FARP1: variants seen among roughly 807,000 people sequenced by gnomAD.
FARP1 encodes the protein FERM, ARH/RhoGEF and pleckstrin domain protein 1.
In FARP1, 52 loss-of-function variants were observed where a neutral mutation model predicts 128.8. The ratio of observed to expected loss-of-function variants is 0.40; its 90% confidence interval spans 0.32 to 0.51. The LOEUF (loss-of-function observed/expected upper bound fraction) is 0.51. Among genes scored for constraint, FARP1 ranks in the 20% least tolerant of loss-of-function variants. The pLI is 0.45. For missense variants in FARP1, 1,333 were observed against 1,367.9 expected, an observed-to-expected ratio of 0.97 and a Z score of 0.40; for synonymous variants, 580 against 551.8, an observed-to-expected ratio of 1.05 and a Z score of -0.72.
intron 2 of FARP1, among the ~76,000 whole-genome samples, chr13:98,254,735 T>G (rs1327980556): frequency 1.3e-5 from 2 of 152,208 alleles, no homozygotes; most frequent in Non-Finnish European, 2.9e-5. Flanking sequence ...CTGCTGGGAT[T>G]AATTTCTTTT....
chr13:98,362,353 G>T (rs1888906870), intron 3 of FARP1, among the ~76,000 whole-genome samples: 1 of 152,178 alleles, frequency 6.6e-6, no homozygotes, highest in Non-Finnish European at 1.5e-5. Flanking sequence ...TCTTGACGAA[G>T]CCATTCATCC....
chr13:98,411,134 A>G (rs1158892567), intron 15 of FARP1, among the ~76,000 whole-genome samples: 1 of 152,216 alleles, frequency 6.6e-6, no homozygotes, highest in Admixed American at 6.5e-5. Context: ...ATTGCCAAGT[A>G]TAACTGCTGA....
chr13:98,424,362 C>G (rs1313939311), intron 16 of FARP1, among the ~76,000 whole-genome samples: 1 of 152,210 alleles, frequency 6.6e-6, no homozygotes, highest in Non-Finnish European at 1.5e-5. Flanking sequence ...TCTCTTGTCT[C>G]TTTCAAAGCA....
chr13:98,261,283 CT>C (rs549501761), intron 2 of FARP1, among the ~76,000 whole-genome samples: 112 of 152,286 alleles, frequency 7.4e-4, no homozygotes, highest in African/African-American at 2.6e-3. Context: ...TGGGCGACCC[CT>C]GGCCCTGAGC....
chr13:98,224,841 C>T (rs1242828125), intron 2 of FARP1, among the ~76,000 whole-genome samples: 1 of 152,174 alleles, frequency 6.6e-6, no homozygotes, highest in Non-Finnish European at 1.5e-5. Context: ...TGCTTCCACC[C>T]CTGCCTCGCT....
At chr13:98,183,821 T>G (rs1878685917) in intron 1 of FARP1, among the ~76,000 whole-genome samples, 1 of 152,174 alleles carries the variant, frequency 6.6e-6, no homozygotes, top group Non-Finnish European at 1.5e-5. Context: ...TTCTTTTACC[T>G]TGAGAATGAT....
At chr13:98,248,499 T>A (rs1415512554) in intron 2 of FARP1, among the ~76,000 whole-genome samples, 1 of 152,156 alleles carries the variant, frequency 6.6e-6, no homozygotes, top group Non-Finnish European at 1.5e-5. Context: ...ATGAGAAGCT[T>A]CAGAAATACT....
In FARP1 at chr13:98,446,027, G is replaced by A. The variant is rs1255682446; in HGVS notation, c.2797-71G>A. 9 of 1,035,682 alleles carry A rather than the reference G, an allele frequency of 8.7e-6. No individual in the cohort carries two copies. In the Admixed American group the frequency reaches 1.1e-4, roughly 12 times the overall value. The allele number at this position is 1,035,682 out of a possible 1,614,324, so 64.2% of individuals were successfully genotyped here. On this transcript the variant is annotated intron_variant, in intron 24 of 26. Transcript: ENST00000319562. ...GCCCCAGCCCAGGGCCCTGGTGCAG[G>A]GAGAGCTGCTCTCTGTGCCCTCCTG...
intron 12 of FARP1, 75 bp downstream of exon 12, chr13:98,393,793 G>A (rs1006705182): frequency 8.9e-6 from 10 of 1,117,952 alleles, no homozygotes; most frequent in Middle Eastern, 2.0e-4. Context: ...GCTTCAGAGC[G>A]GGCTTTCTTG....
intron 1 of FARP1, among the ~76,000 whole-genome samples, chr13:98,149,805 T>C (rs1594200209): frequency 2.1e-5 from 3 of 139,710 alleles, no homozygotes; most frequent in African/African-American, 7.7e-5. Flanking sequence ...TGGCGCAATC[T>C]TGGCTCACTG....
intron 4 of FARP1, among the ~76,000 whole-genome samples, chr13:98,367,576 A>G (rs942247199): frequency 2.6e-5 from 4 of 151,922 alleles, no homozygotes; most frequent in Admixed American, 6.5e-5. Context: ...GATTTTGTCT[A>G]AACTCATTGG....
At chr13:98,343,917 G>C (rs774431680) in intron 3 of FARP1, 51 bp downstream of exon 3, 8 of 1,221,808 alleles carry the variant, frequency 6.5e-6, no homozygotes, top group African/African-American at 3.0e-5. Context: ...TCATCTTGGT[G>C]GGGGGCTGGG....
At chr13:98,446,844 G>A (rs772369942) in intron 26 of FARP1, 27 bp downstream of exon 26, 1 of 1,612,694 alleles carries the variant, frequency 6.2e-7, no homozygotes, top group Admixed American at 1.7e-5. Flanking sequence ...CACGCACAGG[G>A]CCCTGCAGAA....
chr13:98,293,468 G>T (rs1231125502), intron 2 of FARP1, among the ~76,000 whole-genome samples: 4 of 152,146 alleles, frequency 2.6e-5, no homozygotes, highest in Admixed American at 2.6e-4. Flanking sequence ...AAGAAAGGTG[G>T]ACCCCATCTC....
At chr13:98,190,446 C>T (rs1418000736) in intron 1 of FARP1, among the ~76,000 whole-genome samples, 1 of 152,212 alleles carries the variant, frequency 6.6e-6, no homozygotes, top group Non-Finnish European at 1.5e-5. Flanking sequence ...TGTGCTCTCT[C>T]TTATCTTCCA....
chr13:98,344,515 A>G (rs1172856535), intron 3 of FARP1, among the ~76,000 whole-genome samples: 1 of 152,198 alleles, frequency 6.6e-6, no homozygotes, highest in South Asian at 2.1e-4. Context: ...CGTGGCATTC[A>G]GTGGAGACAT....
At chr13:98,379,101 T>A (rs1477083720) in intron 6 of FARP1, among the ~76,000 whole-genome samples, 5 of 98,012 alleles carry the variant, frequency 5.1e-5, no homozygotes, top group Non-Finnish European at 7.6e-5. Context: ...ATAATATATA[T>A]ATAATATATA....
chr13:98,147,582 A>AT (rs1875666038), intron 1 of FARP1, among the ~76,000 whole-genome samples: 2 of 151,976 alleles, frequency 1.3e-5, no homozygotes, highest in Non-Finnish European at 2.9e-5. Context: ...AGACTTAAAA[A>AT]TCCAGTATTA....
chr13:98,209,010 T>C (rs953490659), intron 1 of FARP1, among the ~76,000 whole-genome samples: 2 of 152,078 alleles, frequency 1.3e-5, no homozygotes, highest in African/African-American at 4.8e-5. Context: ...GAGTTTTGTT[T>C]GTTTGTTTTT....
Sources: allele counts gnomAD v4.1 joint callset (sites outside exome capture counted in the v4.1 genomes callset), GRCh38; gene constraint gnomAD v4.1.1; transcripts MANE v1.5; gene names NCBI Gene and HGNC (gene_info 2026-07-23, HGNC 2026-07-21).